The following OGDHL variants were observed in gnomAD, a reference collection of about 807,000 sequenced individuals.
The protein encoded by OGDHL is 2-oxoglutarate dehydrogenase-like, mitochondrial.
Under a neutral mutation model 109.6 loss-of-function variants are expected in OGDHL, and 79 were observed. That is an observed-to-expected ratio of 0.72 (90% confidence interval 0.60 to 0.87). The LOEUF (loss-of-function observed/expected upper bound fraction) is 0.87, where lower values mean the gene tolerates loss of function less well. Among genes scored for constraint, OGDHL ranks in the 40% least tolerant of loss-of-function variants. The pLI, the probability that OGDHL is intolerant of heterozygous loss-of-function variation, is 0.00. For missense variants in OGDHL, 1,275 were observed against 1,362.2 expected (o/e 0.94, Z 1.01); for synonymous variants, 528 against 537.2 (o/e 0.98, Z 0.24).
At chr10:49,746,522 T>G (rs564953966) in intron 10 of OGDHL, among the ~76,000 whole-genome samples, 51 of 152,336 alleles carry the variant, frequency 3.3e-4, no homozygotes, top group African/African-American at 1.2e-3. Flanking sequence ...CATGAGGCAC[T>G]CGCTACACAG....
intron 15 of OGDHL, 92 bp downstream of exon 15, chr10:49,742,736 C>T: frequency 6.8e-7 from 1 of 1,462,042 alleles, no homozygotes; most frequent in Non-Finnish European, 9.1e-7. Context: ...TGTGAAGATC[C>T]CACCCCAACA....
At chr10:49,742,027 A>G (rs1841725290) in intron 15 of OGDHL, among the ~76,000 whole-genome samples, 1 of 123,998 alleles carries the variant, frequency 8.1e-6, no homozygotes, top group Admixed American at 8.9e-5. Flanking sequence ...TGCACCAAAC[A>G]TGACACATAC....
At chr10:49,758,806 T>C (rs1843081037) in intron 1 of OGDHL, 2 of 600,822 alleles carry the variant, frequency 3.3e-6, no homozygotes, top group Admixed American at 2.9e-5. Flanking sequence ...TATCAATAGA[T>C]ATCAAACAGC....
chr10:49,745,841 G>A lies in OGDHL; in HGVS notation c.1433C>T (p.Ala478Val), dbSNP rs1162671965. ...EAVIYVCSVA[A>V]EWRNTFNKDV... is the part of the protein sequence containing the mutation. ...TTTGTTGAAAGTGTTTCTCCATTCG[G>A]CTGCCACACTGCACACATATATCAC... is the stretch of plus-strand genomic sequence containing the variant. Residue 478 changes from alanine to valine, a missense_variant, in exon 11 of 23, where the codon GCC becomes GTC. Coordinates refer to ENST00000374103, the MANE Select transcript of OGDHL (RefSeq NM_018245.3). The A allele has an allele frequency of 6.2e-7, 1 of 1,614,134 alleles. No homozygotes were observed. Among genetic ancestry groups the A allele is most frequent in the African/African-American group, 1.3e-5 (1 of 75,034 alleles).
At chr10:49,740,883 G>A (rs778961475) in intron 15 of OGDHL, 46 bp from the exon 16 acceptor site, 1 of 1,609,642 alleles carries the variant, frequency 6.2e-7, no homozygotes, top group Admixed American at 1.7e-5. Flanking sequence ...AGGTGGGCTG[G>A]CACCTGTTCA....
In OGDHL at chr10:49,751,054, G is replaced by A. The variant is rs991555127; in HGVS notation, c.750-69C>T. 3.0e-5 allele frequency: 43 copies of A among 1,419,484 alleles called. 1 individual carries two copies. In the East Asian group the frequency reaches 8.4e-4, roughly 28 times the overall value. The allele number at this position is 1,419,484 out of a possible 1,614,324, so 87.9% of individuals were successfully genotyped here. A position where few individuals can be genotyped will look rare whatever the true frequency, so the allele number is the denominator to read the frequency against. On this transcript the variant is annotated intron_variant, in intron 6 of 22. Coordinates refer to ENST00000374103, the MANE Select transcript of OGDHL (RefSeq NM_018245.3). ...GAGGGAGGGGACTGGGGCTCACAGG[G>A]GCTGTTCATGAGTGCTCAGAGCTGA... is the stretch of plus-strand genomic sequence containing the variant.
rs372205928 is a variant in OGDHL, at chr10:49,746,708, A to G, written c.1296+42T>C. The G allele has an allele frequency of 5.1e-5, 82 of 1,605,894 alleles. No individual in the cohort carries two copies. In the African/African-American group the frequency reaches 9.4e-4, roughly 18 times the overall value. Reference sequence around the variant, plus strand: ...CAAGCTACTGCCTGGATTTCCAGGGATGCTGACGCTGTGAGGCCCAGCGTG... The same window carrying G: ...CAAGCTACTGCCTGGATTTCCAGGGGTGCTGACGCTGTGAGGCCCAGCGTG... On this transcript the variant is annotated intron_variant, in intron 10 of 22. Coordinates refer to ENST00000374103, the MANE Select transcript of OGDHL (RefSeq NM_018245.3).
At chr10:49,735,389 C>A in intron 22 of OGDHL, 38 bp from the exon 23 acceptor site, 1 of 1,600,314 alleles carries the variant, frequency 6.2e-7, no homozygotes, top group South Asian at 1.1e-5. Context: ...AAGGCGGGGC[C>A]TAGCCGCCCC....
chr10:49,758,498 C>A lies in OGDHL; in HGVS notation c.95G>T (p.Arg32Met). The A allele has an allele frequency of 1.2e-6, 2 of 1,613,898 alleles. No homozygotes were observed. The highest frequency in any genetic ancestry group is 1.7e-6 in the Non-Finnish European group (2 of 1,180,034). The change falls in exon 2 of 23, where the codon AGG becomes ATG. Residue 32 changes from arginine (R) to methionine (M), a missense_variant. Arg to Met is a moderately conservative substitution (Grantham distance 91, BLOSUM62 -1). Transcript: ENST00000374103. ...HDVPVFGWRS[R>M]SSGPPATFPS... ...GAAGGTGGCCGGTGGCCCGGAGGAC[C>A]TGCTGCGCCAGCCAAACACCGGGAC...
chr10:49,755,008 C>T lies in OGDHL; in HGVS notation c.375+1768G>A, dbSNP rs2083255. 7.9e-5 allele frequency among the ~76,000 whole-genome samples: 12 copies of T among 152,110 alleles called. No individual in the cohort carries two copies. The East Asian group carries it at 1.7e-3, about 22-fold the overall frequency. On this transcript the variant is annotated intron_variant, in intron 3 of 22. Transcript: ENST00000374103. ...GCTGTAATCCCAGCACTTTGGGAGGCCAAGGCGGGCAGATCACTTGAGGTC... is the reference window on the plus strand; with the variant it reads ...GCTGTAATCCCAGCACTTTGGGAGGTCAAGGCGGGCAGATCACTTGAGGTC...
At chr10:49,737,715 A>G in intron 20 of OGDHL, 71 bp downstream of exon 20, 4 of 1,549,728 alleles carry the variant, frequency 2.6e-6, no homozygotes, top group Non-Finnish European at 3.6e-6. Context: ...GAGAAGCCCC[A>G]GAAGCAGAAG....
At chr10:49,753,603 T>C (rs1216485357) in intron 3 of OGDHL, among the ~76,000 whole-genome samples, 1 of 152,170 alleles carries the variant, frequency 6.6e-6, no homozygotes, top group Non-Finnish European at 1.5e-5. Flanking sequence ...TTAGAATTGT[T>C]ATGCTGGCTG....
chr10:49,738,359 T>A, intron 17 of OGDHL, 97 bp from the exon 18 acceptor site: 1 of 1,308,992 alleles, frequency 7.6e-7, no homozygotes, highest in Non-Finnish European at 1.1e-6. Context: ...TCTGGAGGGC[T>A]TCTCAGCAGA....
At chr10:49,743,818 C>T in intron 14 of OGDHL, 176 bp downstream of exon 14, 1 of 707,086 alleles carries the variant, frequency 1.4e-6, no homozygotes, top group Non-Finnish European at 2.2e-6. Flanking sequence ...CCACGCCCAC[C>T]CTGAAAAGAG....
chr10:49,735,687 CAT>C (rs1360560168), intron 22 of OGDHL, among the ~76,000 whole-genome samples: 1 of 152,232 alleles, frequency 6.6e-6, no homozygotes, highest in African/African-American at 2.4e-5. Flanking sequence ...CCCAGGAACA[CAT>C]GATGCCAGTA....
At chr10:49,743,905 T>C in intron 14 of OGDHL, 89 bp downstream of exon 14, 1 of 1,500,336 alleles carries the variant, frequency 6.7e-7, no homozygotes, top group Non-Finnish European at 9.0e-7. Flanking sequence ...CGACACACCA[T>C]CTCTCTTGCA....
intron 4 of OGDHL, 145 bp from the exon 5 acceptor site, chr10:49,752,393 T>G: frequency 2.8e-6 from 2 of 720,102 alleles, no homozygotes; most frequent in East Asian, 5.4e-5. Context: ...GAAGTGAGAG[T>G]GAGCCCAGGG....
chr10:49,747,222 T>C lies in OGDHL; in HGVS notation c.988-14A>G. 6.2e-7 allele frequency: 1 copy of C among 1,612,912 alleles called. No individual in the cohort carries two copies. The highest frequency in any genetic ancestry group is 8.5e-7 in the Non-Finnish European group (1 of 1,179,268). On this transcript the variant is annotated splice_polypyrimidine_tract_variant and intron_variant, in intron 8 of 22. Transcript: ENST00000374103. ...ATCCCCGGAGCCCTGAAGGTGGAGA[T>C]GGGAACATGATGGATCCTCCCCTCC...
At position 49,740,750 on chromosome 10, in the gene OGDHL, G is replaced by A; in HGVS notation, c.2100C>T (p.Tyr700=). The change falls in exon 16 of 23, where the codon TAC becomes TAT. Residue 700 remains tyrosine, a synonymous_variant. Coordinates refer to ENST00000374103, the MANE Select transcript of OGDHL (RefSeq NM_018245.3). ...CCGAGAGGGAGCTGTTGCACACGGT[G>A]TACGGGGCCTGGTCAGGCCAGAGAT... The part of the protein sequence containing the change: ...MNHLWPDQAP[Y]TVCNSSLSEY... 3.1e-6 allele frequency: 5 copies of A among 1,613,928 alleles called. No individual in the cohort carries two copies. The highest frequency in any genetic ancestry group is 4.2e-6 in the Non-Finnish European group (5 of 1,179,838).
Sources: gnomAD v4.1 joint callset for allele counts (sites outside exome capture counted in the v4.1 genomes callset) on GRCh38, gnomAD v4.1.1 for gene constraint, MANE v1.5 for transcripts, NCBI Gene and HGNC (gene_info 2026-07-23, HGNC 2026-07-21) for gene names.